The following EPN3 variants were observed in gnomAD, a reference collection of about 807,000 sequenced individuals.
The protein encoded by EPN3 is epsin 3.
EPN3 carries 56 observed loss-of-function variants against 55.5 expected under a neutral mutation model. That is an observed-to-expected ratio of 1.01 (90% CI 0.81 to 1.26). The LOEUF is 1.26. Among genes scored for constraint, EPN3 ranks in the 50% most tolerant of loss-of-function variants. The pLI is 0.00. For missense variants in EPN3, 927 were observed against 853.4 expected (o/e 1.09, Z -1.07); for synonymous variants, 449 against 375.2 (o/e 1.20, Z -2.27).
rs747912399 is a variant in EPN3 at position 50,536,579 on chromosome 17, G to A, written c.23G>A (p.Arg8His). Residue 8 changes from arginine to histidine, a missense_variant, in exon 2 of 10, where the codon CGC (arginine) becomes CAC (histidine). Arg to His is a conservative substitution (Grantham distance 29). Coordinates refer to ENST00000268933, the MANE Select transcript of EPN3 (RefSeq NM_017957.3). Reference protein sequence around the residue: MTTSALRRQVKNIVHNYS... With the variant: MTTSALRHQVKNIVHNYS... Reference sequence around the variant, plus strand: ...GCCATGACGACCTCCGCACTCCGGCGCCAGGTGAAGAACATCGTGCACAAC... The same window carrying A: ...GCCATGACGACCTCCGCACTCCGGCACCAGGTGAAGAACATCGTGCACAAC... 17 of 1,613,832 alleles carry A rather than the reference G, an allele frequency of 1.1e-5. No individual in the cohort carries two copies. The highest frequency in any genetic ancestry group is 1.6e-4 in the Middle Eastern group (1 of 6,084).
At chr17:50,538,370 C>T in intron 3 of EPN3, 173 bp downstream of exon 3, 1 of 595,186 alleles carries the variant, frequency 1.7e-6, no homozygotes, top group Non-Finnish European at 3.0e-6. Context: ...GACTGCCTCC[C>T]TGCCTCCAGT....
chr17:50,534,398 T>G, intron 1 of EPN3: 1 of 984,812 alleles, frequency 1.0e-6, no homozygotes, highest in Non-Finnish European at 1.2e-6. Flanking sequence ...CAGGTCCAGG[T>G]AGGGCTCTGG....
chr17:50,537,214 G>A (rs2034777604), intron 2 of EPN3, 96 bp downstream of exon 2: 21 of 1,250,758 alleles, frequency 1.7e-5, no homozygotes, highest in East Asian at 2.5e-5. Flanking sequence ...ACCTACCTCC[G>A]AGGGGTGTTA....
chr17:50,536,006 G>A (rs1011552797), intron 1 of EPN3: 6 of 154,242 alleles, frequency 3.9e-5, no homozygotes, highest in South Asian at 2.0e-4. Flanking sequence ...CTGTGATCTC[G>A]GACAAGTCAC....
chr17:50,541,857 G>T lies in EPN3; in HGVS notation c.1599G>T (p.Pro533=), dbSNP rs749509085. The T allele has an allele frequency of 5.0e-6, 8 of 1,609,690 alleles. No individual in the cohort carries two copies. The African/African-American group carries it at 1.1e-4, about 21-fold the overall frequency. ...RNPFLTGLSA[P]SPTNPFGAGE... ...CTCGTTCTGCAGGTCTCAGCGCTCC[G>T]TCCCCCACCAACCCGTTCGGCGCGG... The change falls in exon 10 of 10, where the codon CCG becomes CCT. Residue 533 remains proline, a synonymous_variant. Transcript: ENST00000268933.
chr17:50,538,643 G>A (rs2034798829), intron 3 of EPN3: 1 of 462,088 alleles, frequency 2.2e-6, no homozygotes, highest in South Asian at 6.0e-5. Flanking sequence ...CACACAGGAG[G>A]GCCTGAGGAA....
In EPN3 at chr17:50,536,602, A is replaced by C. The variant is rs1390107883; in HGVS notation, c.46A>C (p.Asn16His). The change falls in exon 2 of 10, where the codon AAC becomes CAC. Residue 16 changes from asparagine to histidine, a missense_variant. Asn to His is a moderately conservative substitution (Grantham distance 68). Transcript: ENST00000268933. ...GCGCCAGGTGAAGAACATCGTGCAC[A>C]ACTACTCCGAGGCAGAAATCAAGGT... ...LRRQVKNIVHNYSEAEIKVRE... is the reference protein window; with the variant it reads ...LRRQVKNIVHHYSEAEIKVRE... 6.2e-7 allele frequency: 1 copy of C among 1,614,024 alleles called. No individual in the cohort carries two copies. Among genetic ancestry groups the C allele is most frequent in the South Asian group, 1.1e-5 (1 of 91,068 alleles).
In EPN3 at chr17:50,536,152, G is replaced by A. The variant is rs142644092; in HGVS notation, c.-136-269G>A. The A allele has an allele frequency of 1.3e-3, 276 of 212,656 alleles. 1 individual carries two copies. The highest frequency in any genetic ancestry group is 3.8e-3 in the Middle Eastern group (2 of 530). 13.2% of individuals were successfully genotyped at this position (212,656 alleles called of 1,614,324 possible). On this transcript the variant is annotated intron_variant, in intron 1 of 9. Transcript: ENST00000268933. ...AATTACAGGCGTGAGCCACTGCACC[G>A]GGCCCATTTAATACTCTGAGCCCCA...
intron 1 of EPN3, chr17:50,534,488 C>T: frequency 2.0e-6 from 2 of 985,490 alleles, no homozygotes; most frequent in Non-Finnish European, 2.4e-6. Flanking sequence ...CTTTGGTGCA[C>T]ATTATTTCCC....
At position 50,538,976 on chromosome 17, in the gene EPN3, A is replaced by T; in HGVS notation, c.762+12A>T. On this transcript the variant is annotated intron_variant, in intron 4 of 9. Coordinates refer to ENST00000268933, the MANE Select transcript of EPN3 (RefSeq NM_017957.3). ...AGGAGCACGAGAAGGTAGTGGGCCG[A>T]GCCCGCTGGGCTGCCGGTGCTGCTG... 6.3e-7 allele frequency: 1 copy of T among 1,591,798 alleles called. No individual in the cohort carries two copies. Among genetic ancestry groups the T allele is most frequent in the Non-Finnish European group, 8.6e-7 (1 of 1,168,054 alleles).
chr17:50,533,402 A>C (rs58370121), intron 1 of EPN3, among the ~76,000 whole-genome samples: 5,815 of 152,144 alleles, frequency 0.038, 387 homozygotes, highest in African/African-American at 0.13. Context: ...CCTGTCCCTT[A>C]CAGCATCAAG....
chr17:50,535,609 C>G (rs2034747884), intron 1 of EPN3, among the ~76,000 whole-genome samples: 1 of 152,166 alleles, frequency 6.6e-6, no homozygotes, highest in Admixed American at 6.5e-5. Flanking sequence ...ACCACCTCCT[C>G]TAGGAAGTCT....
In EPN3 at chr17:50,543,279, T is replaced by A. The variant is rs2144042926; in HGVS notation, c.*1122T>A. On this transcript the variant is annotated 3_prime_UTR_variant, in exon 10 of 10. Transcript: ENST00000268933. Reference sequence around the variant, plus strand: ...TCGCCAAGGCTAGCGAGAAACTCAGTCTTAGCCACACAGGAGGAATCGGAC... The same window carrying A: ...TCGCCAAGGCTAGCGAGAAACTCAGACTTAGCCACACAGGAGGAATCGGAC... 1 of 152,342 alleles carries A rather than the reference T, an allele frequency of 6.6e-6. No homozygotes were observed. The highest frequency in any genetic ancestry group is 2.1e-4 in the South Asian group (1 of 4,828). The allele number at this position is 152,342 out of a possible 1,614,324, so 9.4% of individuals were successfully genotyped here.
rs765696198 is a variant in EPN3, at chr17:50,536,555, C to T, written c.-2C>T. 1.2e-6 allele frequency: 2 copies of T among 1,613,732 alleles called. No individual in the cohort carries two copies. The highest frequency in any genetic ancestry group is 1.7e-6 in the Non-Finnish European group (2 of 1,180,026). On this transcript the variant is annotated 5_prime_UTR_variant, in exon 2 of 10. Coordinates refer to ENST00000268933, the MANE Select transcript of EPN3 (RefSeq NM_017957.3). The stretch of plus-strand genomic sequence containing the variant: ...GGGCCACCCACCTCCAAGTCTCCAG[C>T]CATGACGACCTCCGCACTCCGGCGC...
Position 50,543,009 on chromosome 17 carries a change from G to A in EPN3, c.*852G>A, listed in dbSNP as rs1028923057. 6.6e-6 allele frequency: 1 copy of A among 152,304 alleles called. No individual in the cohort carries two copies. The highest frequency in any genetic ancestry group is 2.4e-5 in the African/African-American group (1 of 41,478). 9.4% of individuals were successfully genotyped at this position (152,304 alleles called of 1,614,324 possible). On this transcript the variant is annotated 3_prime_UTR_variant, in exon 10 of 10. Transcript: ENST00000268933. ...GGGGCTGGAACTCAAGAGTCAGACA[G>A]TCTGGCTCCAAGGCCTGGAGATCCC...
Position 50,537,033 on chromosome 17 carries a change from C to T in EPN3, c.477C>T (p.Ile159=), listed in dbSNP as rs780623784. 47 of 1,612,866 alleles carry T rather than the reference C, an allele frequency of 2.9e-5. No homozygotes were observed. Among genetic ancestry groups the T allele is most frequent in the Middle Eastern group, 3.3e-4 (2 of 5,998 alleles). Residue 159 remains isoleucine (I), a synonymous_variant, in exon 2 of 10, where the codon ATC becomes ATT. Transcript: ENST00000268933. ...AGGAGCGCATGGCACTGGAGGGCAT[C>T]GGCATTGGCAGTGGGCAGCTGGGCT... The part of the protein sequence containing the change: ...KTKERMALEG[I]GIGSGQLGFS...
In EPN3 at chr17:50,542,221, C is replaced by T. The variant is rs2144041678; in HGVS notation, c.*64C>T. 4.3e-6 allele frequency: 6 copies of T among 1,400,788 alleles called. No homozygotes were observed. The South Asian group carries it at 4.6e-5, about 11-fold the overall frequency. The allele number at this position is 1,400,788 out of a possible 1,614,324, so 86.8% of individuals were successfully genotyped here. A position where few individuals can be genotyped will look rare whatever the true frequency, so the allele number is the denominator to read the frequency against. On this transcript the variant is annotated 3_prime_UTR_variant, in exon 10 of 10. Coordinates refer to ENST00000268933, the MANE Select transcript of EPN3 (RefSeq NM_017957.3). ...ACGCTCCGCGGCCCCGCCTCCGGACCCGGGGCTGGGCGGGGCGCCGGTGCT... is the reference window on the plus strand; with the variant it reads ...ACGCTCCGCGGCCCCGCCTCCGGACTCGGGGCTGGGCGGGGCGCCGGTGCT...
chr17:50,542,199 C>G lies in EPN3; in HGVS notation c.*42C>G. The G allele has an allele frequency of 7.0e-7, 1 of 1,423,334 alleles. No homozygotes were observed. 88.2% of individuals were successfully genotyped at this position (1,423,334 alleles called of 1,614,324 possible). On this transcript the variant is annotated 3_prime_UTR_variant, in exon 10 of 10. Coordinates refer to ENST00000268933, the MANE Select transcript of EPN3 (RefSeq NM_017957.3). ...TACCGGCCTGCGCCTGCGCCGGACGCTCCGCGGCCCCGCCTCCGGACCCGG... is the reference window on the plus strand; with the variant it reads ...TACCGGCCTGCGCCTGCGCCGGACGGTCCGCGGCCCCGCCTCCGGACCCGG...
Position 50,542,113 on chromosome 17 carries a change from C to T in EPN3, c.1855C>T (p.Pro619Ser), listed in dbSNP as rs1477822599. The T allele has an allele frequency of 1.3e-6, 2 of 1,531,180 alleles. No individual in the cohort carries two copies. The highest frequency in any genetic ancestry group is 1.2e-5 in the South Asian group (1 of 83,246). The allele number at this position is 1,531,180 out of a possible 1,614,324, so 94.8% of individuals were successfully genotyped here. ...PLLPTPSSAG[P>S]RPPPPQTGTN... ...GCTGCCCACGCCGAGCTCAGCCGGG[C>T]CGCGGCCCCCGCCCCCGCAGACCGG... is the stretch of plus-strand genomic sequence containing the variant. Residue 619 changes from proline (P) to serine (S), a missense_variant, in exon 10 of 10, where the codon CCG (proline) becomes TCG (serine). Pro to Ser is a moderately conservative substitution (Grantham distance 74). Transcript: ENST00000268933.
Sources: allele counts gnomAD v4.1 joint callset (sites outside exome capture counted in the v4.1 genomes callset), GRCh38; gene constraint gnomAD v4.1.1; transcripts MANE v1.5; gene names NCBI Gene and HGNC (gene_info 2026-07-23, HGNC 2026-07-21).